The following ARL6 variants were observed in gnomAD, a reference collection of about 807,000 sequenced individuals.
The protein encoded by ARL6 is ADP-ribosylation factor-like protein 6.
In ARL6, 18 loss-of-function variants were observed where a neutral mutation model predicts 27.1. The ratio of observed to expected loss-of-function variants is 0.66; its 90% CI spans 0.46 to 0.98. The LOEUF (loss-of-function observed/expected upper bound fraction) is 0.98. ARL6 is among the 50% of genes least tolerant of loss of function. The pLI, the probability that ARL6 is intolerant of heterozygous loss-of-function variation, is 0.00. For synonymous variants in ARL6, 65 were observed against 72.3 expected, an observed-to-expected ratio of 0.90 and a Z score of 0.51; for missense variants, 187 against 214.9, an observed-to-expected ratio of 0.87 and a Z score of 0.81.
At chr3:97,770,235 G>A (rs1341152419) in intron 2 of ARL6, among the ~76,000 whole-genome samples, 2 of 151,896 alleles carry the variant, frequency 1.3e-5, no homozygotes, top group Non-Finnish European at 2.9e-5. Flanking sequence ...ATTTTAACTG[G>A]GGTGAAATAA....
At chr3:97,765,984 C>G (rs1374769455) in intron 1 of ARL6, 2 of 152,176 alleles carry the variant, frequency 1.3e-5, no homozygotes, top group Non-Finnish European at 2.9e-5. Flanking sequence ...GTGATTACCT[C>G]TTTTAGAAAA....
intron 4 of ARL6, among the ~76,000 whole-genome samples, chr3:97,781,384 T>C (rs192108169): frequency 1.3e-5 from 2 of 152,148 alleles, no homozygotes; most frequent in East Asian, 1.9e-4. Context: ...ATCAAAAATA[T>C]TTGGGGAGAA....
Position 97,780,655 on chromosome 3 carries a change from T to C in ARL6, c.226T>C (p.Tyr76His), listed in dbSNP as rs749599192. The change falls in exon 4 of 8, where the codon TAC becomes CAC. Residue 76 changes from tyrosine (Y) to histidine (H), a missense_variant. By Grantham distance (83) the Tyr-to-His change is moderately conservative. Coordinates refer to ENST00000463745, the MANE Select transcript of ARL6 (RefSeq NM_001278293.3). ...TVFDMSGQGRYRNLWEHYYKE... is the reference protein window; with the variant it reads ...TVFDMSGQGRHRNLWEHYYKE... ...GTTTGACATGTCAGGTCAAGGAAGATACAGAAATCTCTGGGAACACTATTA... is the reference window on the plus strand; with the variant it reads ...GTTTGACATGTCAGGTCAAGGAAGACACAGAAATCTCTGGGAACACTATTA... The C allele has an allele frequency of 2.7e-5, 44 of 1,613,198 alleles. No homozygotes were observed. Among genetic ancestry groups the C allele is most frequent in the Non-Finnish European group, 3.6e-5 (42 of 1,179,480 alleles).
intron 7 of ARL6, among the ~76,000 whole-genome samples, chr3:97,795,364 T>A (rs964650671): frequency 6.6e-5 from 10 of 152,196 alleles, no homozygotes; most frequent in African/African-American, 2.2e-4. Context: ...TTTTATTGCT[T>A]TGTCTGCATG....
In ARL6 at chr3:97,768,188, T is replaced by C. The variant is rs2036475086; in HGVS notation, c.81T>C (p.Asn27=). ...ATGTTTTGTGCCTTGGGCTAGATAA[T>C]AGTGGCAAAACGACGATCATTAACA... is the stretch of plus-strand genomic sequence containing the variant. ...EVHVLCLGLD[N]SGKTTIINKL... is the part of the protein sequence containing the mutation. Residue 27 remains asparagine (N), a synonymous_variant, in exon 2 of 8, where the codon AAT becomes AAC. Transcript: ENST00000463745. The C allele has an allele frequency of 1.2e-6, 2 of 1,613,054 alleles. No homozygotes were observed. The highest frequency in any genetic ancestry group is 8.5e-7 in the Non-Finnish European group (1 of 1,179,156).
intron 7 of ARL6, 127 bp from the exon 8 acceptor site, chr3:97,797,897 A>G: frequency 1.1e-6 from 1 of 903,730 alleles, no homozygotes; most frequent in Non-Finnish European, 1.8e-6. Context: ...TCTCTAAAAA[A>G]TAATAATAAC....
chr3:97,772,619 C>CTTT (rs571939797), intron 2 of ARL6, among the ~76,000 whole-genome samples: 2 of 124,404 alleles, frequency 1.6e-5, no homozygotes, highest in African/African-American at 3.0e-5. Flanking sequence ...AGGCTTGTTA[C>CTTT]TTTTTTTTTT....
At chr3:97,796,989 C>G (rs2108109805) in intron 7 of ARL6, among the ~76,000 whole-genome samples, 1 of 151,640 alleles carries the variant, frequency 6.6e-6, no homozygotes, top group East Asian at 1.9e-4. Flanking sequence ...AATCTTGGTA[C>G]CAGCATTATC....
intron 6 of ARL6, among the ~76,000 whole-genome samples, chr3:97,789,542 G>T (rs919461256): frequency 2.0e-5 from 3 of 151,974 alleles, no homozygotes; most frequent in Admixed American, 1.3e-4. Flanking sequence ...GTATTTCTCT[G>T]TGAGAAAAAA....
chr3:97,794,505 C>T (rs578023353), intron 7 of ARL6, among the ~76,000 whole-genome samples: 29 of 152,078 alleles, frequency 1.9e-4, no homozygotes, highest in African/African-American at 6.5e-4. Flanking sequence ...TGAGCCACCG[C>T]GCCCGGCCAC....
intron 2 of ARL6, among the ~76,000 whole-genome samples, chr3:97,769,907 G>C (rs983053859): frequency 1.3e-5 from 2 of 152,122 alleles, no homozygotes; most frequent in South Asian, 4.1e-4. Flanking sequence ...TTGTGTATAT[G>C]TACCAAATTT....
intron 5 of ARL6, among the ~76,000 whole-genome samples, chr3:97,786,565 T>C (rs940324358): frequency 6.6e-6 from 1 of 152,178 alleles, no homozygotes; most frequent in Non-Finnish European, 1.5e-5. Context: ...TTTTATGGGA[T>C]AGATTCCCAA....
At chr3:97,765,991 A>T (rs1275579133) in intron 1 of ARL6, 2 of 152,228 alleles carry the variant, frequency 1.3e-5, no homozygotes, top group Non-Finnish European at 2.9e-5. Flanking sequence ...CCTCTTTTAG[A>T]AAAACTGCCT....
Position 97,798,153 on chromosome 3 carries a change from T to G in ARL6, c.*104T>G. The G allele has an allele frequency of 8.2e-7, 1 of 1,224,406 alleles. No individual in the cohort carries two copies. Among genetic ancestry groups the G allele is most frequent in the East Asian group, 2.3e-5 (1 of 42,874 alleles). The allele number at this position is 1,224,406 out of a possible 1,614,324, so 75.8% of individuals were successfully genotyped here. A position where few individuals can be genotyped will look rare whatever the true frequency, so the allele number is the denominator to read the frequency against. On this transcript the variant is annotated 3_prime_UTR_variant, in exon 8 of 8. Transcript: ENST00000463745. ...ATGTTTATGCATCAAAAAATATAAT[T>G]TTCTGCTTGCATTTATGGACTCTGA...
intron 5 of ARL6, among the ~76,000 whole-genome samples, chr3:97,785,812 C>T (rs1042234613): frequency 6.6e-6 from 1 of 152,090 alleles, no homozygotes; most frequent in Non-Finnish European, 1.5e-5. Flanking sequence ...GCATTTCTAG[C>T]CTTCCTCATG....
chr3:97,793,786 T>C (rs1178512712), intron 7 of ARL6, among the ~76,000 whole-genome samples: 1 of 152,174 alleles, frequency 6.6e-6, no homozygotes, highest in African/African-American at 2.4e-5. Flanking sequence ...CATATTACTT[T>C]ATGTACCCTT....
chr3:97,766,171 G>A (rs2036371560), intron 1 of ARL6: 1 of 152,190 alleles, frequency 6.6e-6, no homozygotes, highest in Admixed American at 6.5e-5. Flanking sequence ...GGGAAAATGT[G>A]AGAAGTTGTC....
chr3:97,780,468 T>G (rs2037136721), intron 3 of ARL6, 147 bp from the exon 4 acceptor site: 1 of 751,718 alleles, frequency 1.3e-6, no homozygotes, highest in Non-Finnish European at 2.2e-6. Context: ...TATTAATACA[T>G]TTATTTCATA....
intron 4 of ARL6, among the ~76,000 whole-genome samples, chr3:97,781,486 G>C (rs1161105728): frequency 1.3e-5 from 2 of 152,102 alleles, no homozygotes; most frequent in African/African-American, 4.8e-5. Context: ...TGTAGGCATT[G>C]TATTACGTAT....
Sources: allele counts gnomAD v4.1 joint callset (sites outside exome capture counted in the v4.1 genomes callset), GRCh38; gene constraint gnomAD v4.1.1; transcripts MANE v1.5; gene names NCBI Gene and HGNC (gene_info 2026-07-23, HGNC 2026-07-21).